TDP1: variants seen among roughly 807,000 people sequenced by gnomAD.
The protein encoded by TDP1 is tyr-DNA phosphodiesterase 1.
TDP1 carries 64 observed loss-of-function variants against 81.5 expected under a neutral mutation model. The observed-to-expected ratio is 0.79, with a 90% CI of 0.64 to 0.97. The LOEUF (loss-of-function observed/expected upper bound fraction) is 0.97. TDP1 is among the 50% of genes least tolerant of loss of function. The pLI is 0.00. For missense variants in TDP1, 723 were observed against 743.8 expected (o/e 0.97, Z 0.33); for synonymous variants, 256 against 264.3 (o/e 0.97, Z 0.30).
In TDP1 at chr14:90,013,960, T is replaced by A. The variant is rs144746008; in HGVS notation, c.1542-5356T>A. On this transcript the variant is annotated intron_variant, in intron 14 of 16. Coordinates refer to ENST00000335725, the MANE Select transcript of TDP1 (RefSeq NM_018319.4). The stretch of plus-strand genomic sequence containing the variant: ...CTAGCCATGTGGAACTGTGAGTCCA[T>A]TAAACCTCTTTCCTTTATAAATTAC... Among the ~76,000 whole-genome samples, 344 of 152,322 alleles carry A rather than the reference T, an allele frequency of 2.3e-3. 3 individuals carry two copies. Among genetic ancestry groups the A allele is most frequent in the African/African-American group, 7.7e-3 (321 of 41,570 alleles).
At chr14:89,987,232 A>G (rs1895667076) in intron 10 of TDP1, among the ~76,000 whole-genome samples, 1 of 152,220 alleles carries the variant, frequency 6.6e-6, no homozygotes, top group Non-Finnish European at 1.5e-5. Flanking sequence ...ACAACAGTCA[A>G]CACAGAAAAC....
rs1045180651 is a variant in TDP1 at position 90,044,600 on chromosome 14, G to C, written c.*1457G>C. 1.3e-5 allele frequency: 2 copies of C among 152,394 alleles called. No individual in the cohort carries two copies. The highest frequency in any genetic ancestry group is 2.9e-5 in the Non-Finnish European group (2 of 68,148). The allele number at this position is 152,394 out of a possible 1,614,324, so 9.4% of individuals were successfully genotyped here. ...AGGCTGCAGTGGGGGTGTGGCGATAGAGCAGGAGGCAGGGAGACAGGGCTG... is the reference window on the plus strand; with the variant it reads ...AGGCTGCAGTGGGGGTGTGGCGATACAGCAGGAGGCAGGGAGACAGGGCTG... On this transcript the variant is annotated 3_prime_UTR_variant, in exon 17 of 17. Coordinates refer to ENST00000335725, the MANE Select transcript of TDP1 (RefSeq NM_018319.4).
intron 16 of TDP1, among the ~76,000 whole-genome samples, chr14:90,036,748 G>GA (rs1173128287): frequency 6.6e-6 from 1 of 151,116 alleles, no homozygotes; most frequent in African/African-American, 2.4e-5. Flanking sequence ...CTCTTCTCCT[G>GA]AAAAATCAAA....
chr14:89,969,487 A>G lies in TDP1; in HGVS notation c.660-1688A>G, dbSNP rs79155214. ...TCGTAGAACCAATAAATTTGAAAGA[A>G]TTAATGAGGACTTCAGTTTCTATCA... is the stretch of plus-strand genomic sequence containing the variant. On this transcript the variant is annotated intron_variant, in intron 5 of 16. Transcript: ENST00000335725. Among the ~76,000 whole-genome samples the G allele has an allele frequency of 5.3e-4, 80 of 152,358 alleles. No individual in the cohort carries two copies. In the East Asian group the frequency reaches 0.013, roughly 25 times the overall value.
intron 3 of TDP1, among the ~76,000 whole-genome samples, chr14:89,964,160 G>A (rs1264603988): frequency 2.6e-5 from 4 of 152,216 alleles, no homozygotes; most frequent in Admixed American, 1.3e-4. Context: ...GCCCAGTCAA[G>A]TTTGAGAACC....
At chr14:89,998,178 G>A (rs1018789376) in intron 14 of TDP1, among the ~76,000 whole-genome samples, 13 of 151,328 alleles carry the variant, frequency 8.6e-5, no homozygotes, top group African/African-American at 2.9e-4. Flanking sequence ...ACAACATTTT[G>A]GAAGCAAAGA....
chr14:89,957,653 A>G (rs1891821011), intron 2 of TDP1, among the ~76,000 whole-genome samples: 1 of 152,174 alleles, frequency 6.6e-6, no homozygotes, highest in Non-Finnish European at 1.5e-5. Context: ...AGTAGCTCTA[A>G]ATGGAGTACC....
At chr14:89,962,452 T>G (rs1272078892) in intron 2 of TDP1, among the ~76,000 whole-genome samples, 1 of 152,176 alleles carries the variant, frequency 6.6e-6, no homozygotes. Context: ...AAATGGACCT[T>G]AATCCCAAAC....
At chr14:90,008,621 G>T (rs1433937018) in intron 14 of TDP1, among the ~76,000 whole-genome samples, 2 of 152,116 alleles carry the variant, frequency 1.3e-5, no homozygotes, top group African/African-American at 4.8e-5. Context: ...ACAACATTTG[G>T]CAGTTAATAG....
chr14:90,036,673 A>G (rs1217550803), intron 16 of TDP1, among the ~76,000 whole-genome samples: 1 of 152,150 alleles, frequency 6.6e-6, no homozygotes, highest in African/African-American at 2.4e-5. Context: ...GACACCATCT[A>G]GGTGCTTGGA....
At chr14:89,974,005 C>T (rs889238432) in intron 6 of TDP1, among the ~76,000 whole-genome samples, 1 of 152,072 alleles carries the variant, frequency 6.6e-6, no homozygotes, top group Non-Finnish European at 1.5e-5. Flanking sequence ...ACCCTTATGA[C>T]CTCATTTAAC....
chr14:89,983,642 C>A (rs756465533), intron 8 of TDP1, among the ~76,000 whole-genome samples: 40 of 152,294 alleles, frequency 2.6e-4, no homozygotes, highest in Middle Eastern at 3.4e-3. Flanking sequence ...TTTGCAACAG[C>A]CCAGTGAGGC....
At chr14:90,025,094 C>T (rs996732461) in intron 15 of TDP1, among the ~76,000 whole-genome samples, 60 of 152,288 alleles carry the variant, frequency 3.9e-4, no homozygotes, top group Non-Finnish European at 3.8e-4. Context: ...TTGCTGTGTT[C>T]TGAGGGGCTC....
chr14:89,968,885 A>G (rs1036795751), intron 5 of TDP1, among the ~76,000 whole-genome samples: 4 of 152,242 alleles, frequency 2.6e-5, no homozygotes, highest in African/African-American at 9.6e-5. Flanking sequence ...TCAGTACCTC[A>G]GAATGTGATC....
chr14:90,042,139 C>T (rs531095944), intron 16 of TDP1, among the ~76,000 whole-genome samples: 1 of 152,332 alleles, frequency 6.6e-6, no homozygotes, highest in South Asian at 2.1e-4. Flanking sequence ...GTTATTTATA[C>T]AGAGGCCTTC....
chr14:90,030,233 C>T lies in TDP1; in HGVS notation c.1645-2873C>T, dbSNP rs1271138402. 2.0e-5 allele frequency among the ~76,000 whole-genome samples: 3 copies of T among 152,218 alleles called. No individual in the cohort carries two copies. In the East Asian group the frequency reaches 5.8e-4, roughly 29 times the overall value. On this transcript the variant is annotated intron_variant, in intron 15 of 16. Coordinates refer to ENST00000335725, the MANE Select transcript of TDP1 (RefSeq NM_018319.4). ...TCTTCCCTGTCCCCCTCCTCTGTGT[C>T]TTCCCTGTCACCCTCCTCTGTGTCA...
At chr14:90,041,939 T>C (rs1313598396) in intron 16 of TDP1, among the ~76,000 whole-genome samples, 3 of 152,220 alleles carry the variant, frequency 2.0e-5, no homozygotes, top group Non-Finnish European at 2.9e-5. Context: ...TCATTTGTGC[T>C]CCATAGTAAT....
At chr14:89,963,023 T>A in intron 2 of TDP1, 85 bp from the exon 3 acceptor site, 1 of 1,602,828 alleles carries the variant, frequency 6.2e-7, no homozygotes, top group Non-Finnish European at 8.5e-7. Flanking sequence ...TCAGCTCATC[T>A]GACAGGGAAG....
chr14:89,980,811 T>C, intron 8 of TDP1, 179 bp downstream of exon 8: 1 of 618,594 alleles, frequency 1.6e-6, no homozygotes, highest in Non-Finnish European at 2.9e-6. Context: ...TGCCCCATTC[T>C]ACCTTCTTGG....
Sources: allele counts gnomAD v4.1 joint callset (sites outside exome capture counted in the v4.1 genomes callset), GRCh38; gene constraint gnomAD v4.1.1; transcripts MANE v1.5; gene names NCBI Gene and HGNC (gene_info 2026-07-23, HGNC 2026-07-21).